The following CLDN16 variants were observed in gnomAD, a reference collection of about 807,000 sequenced individuals.
CLDN16 encodes the protein claudin 16, also known as claudin-16.
Under a neutral mutation model 24.6 loss-of-function variants are expected in CLDN16, and 13 were observed. That is an observed-to-expected ratio of 0.53 (90% confidence interval 0.34 to 0.84). The LOEUF (loss-of-function observed/expected upper bound fraction) is 0.84, where lower values mean the gene tolerates loss of function less well. CLDN16 is among the 40% of genes least tolerant of loss of function. The pLI, the probability that CLDN16 is intolerant of heterozygous loss-of-function variation, is 0.01. For synonymous variants in CLDN16, 116 were observed against 106.7 expected (o/e 1.09, Z -0.54); for missense variants, 298 against 292.7 (o/e 1.02, Z -0.13).
At chr3:190,402,188 A>G in intron 1 of CLDN16, 149 bp from the exon 2 acceptor site, 1 of 704,180 alleles carries the variant, frequency 1.4e-6, no homozygotes, top group South Asian at 1.5e-5. Flanking sequence ...ATATTCTAAT[A>G]CGCATTGTTT....
chr3:190,380,956 T>C (rs888834597), intron 3 of CLDN16, among the ~76,000 whole-genome samples: 4 of 151,866 alleles, frequency 2.6e-5, no homozygotes, highest in Admixed American at 1.3e-4. Flanking sequence ...TAGGACAGCA[T>C]GGAAGTTATT....
At chr3:190,354,572 T>C (rs112228296) in intron 1 of CLDN16, among the ~76,000 whole-genome samples, 10 of 152,156 alleles carry the variant, frequency 6.6e-5, no homozygotes, top group African/African-American at 2.4e-4. Flanking sequence ...AGATGGCACG[T>C]GATCCAGTCT....
intron 1 of CLDN16, among the ~76,000 whole-genome samples, chr3:190,399,549 A>AT (rs552242195): frequency 5.9e-5 from 9 of 152,150 alleles, no homozygotes; most frequent in Admixed American, 3.3e-4. Context: ...TGTTTAAACA[A>AT]TTTTTTAGCA....
chr3:190,290,965 A>G, the CLDN16 span, among the ~76,000 whole-genome samples: 1 of 152,196 alleles, frequency 6.6e-6, no homozygotes, highest in Admixed American at 6.5e-5. Flanking sequence ...GAAGAAAAAA[A>G]CAAGTAGGAT....
At chr3:190,290,877 A>C in the CLDN16 span, among the ~76,000 whole-genome samples, 2 of 152,206 alleles carry the variant, frequency 1.3e-5, no homozygotes, top group Non-Finnish European at 1.5e-5. Flanking sequence ...AAATGAAAAC[A>C]AAAAAATTCT....
the CLDN16 span, among the ~76,000 whole-genome samples, chr3:190,316,294 CA>C: frequency 3.9e-5 from 6 of 152,146 alleles, no homozygotes; most frequent in African/African-American, 1.4e-4. Flanking sequence ...TTGACTTATA[CA>C]ATTTATTTGT....
intron 2 of CLDN16, among the ~76,000 whole-genome samples, chr3:190,371,912 ACATCTAC>A (rs1231037474): frequency 2.0e-5 from 3 of 151,940 alleles, no homozygotes; most frequent in Non-Finnish European, 4.4e-5. Flanking sequence ...AGGTCACCGA[ACATCTAC>A]CTGGCTGGGC....
chr3:190,296,266 AAT>A, the CLDN16 span, among the ~76,000 whole-genome samples: 4 of 152,178 alleles, frequency 2.6e-5, no homozygotes, highest in Non-Finnish European at 5.9e-5. Context: ...CATGAATAAA[AAT>A]ATAATATTCT....
chr3:190,388,772 T>G (rs1017252205), intron 1 of CLDN16, among the ~76,000 whole-genome samples: 1 of 152,198 alleles, frequency 6.6e-6, no homozygotes, highest in African/African-American at 2.4e-5. Flanking sequence ...TATATCATAT[T>G]GAGTAACATT....
chr3:190,409,184 A>G (rs560289137), intron 4 of CLDN16, among the ~76,000 whole-genome samples: 2 of 151,046 alleles, frequency 1.3e-5, no homozygotes, highest in East Asian at 3.9e-4. Flanking sequence ...GCATGTATAT[A>G]TACACACACG....
intron 1 of CLDN16, among the ~76,000 whole-genome samples, chr3:190,391,255 T>G (rs1560094862): frequency 6.6e-6 from 1 of 150,696 alleles, no homozygotes; most frequent in Non-Finnish European, 1.5e-5. Context: ...GGCACGGGAT[T>G]TAGAAGAAGA....
At position 190,341,685 on chromosome 3, in the gene CLDN16, G is replaced by A. The variant is rs145644531; in HGVS notation, n.121+19024G>A. Among the ~76,000 whole-genome samples, 516 of 152,206 alleles carry A rather than the reference G, an allele frequency of 3.4e-3. 2 individuals carry two copies. The highest frequency in any genetic ancestry group is 5.0e-3 in the Non-Finnish European group (338 of 68,008). The stretch of plus-strand genomic sequence containing the variant: ...ATTAGTTATGCAAATTTCTATAGCC[G>A]GCTTGGATTTCTCCCCGCAGAATGA... On this transcript the variant is annotated intron_variant and non_coding_transcript_variant, in intron 1 of 4. Coordinates refer to the CLDN16 transcript ENST00000468220.
At chr3:190,303,555 A>C in the CLDN16 span, among the ~76,000 whole-genome samples, 1 of 152,186 alleles carries the variant, frequency 6.6e-6, no homozygotes, top group Non-Finnish European at 1.5e-5. Flanking sequence ...AATTACAAAA[A>C]TAATGAAATA....
intron 1 of CLDN16, among the ~76,000 whole-genome samples, chr3:190,361,353 A>G (rs778935475): frequency 6.6e-5 from 10 of 151,980 alleles, no homozygotes; most frequent in Non-Finnish European, 1.3e-4. Context: ...GACCTAACCG[A>G]CGCCATCTTG....
intron 1 of CLDN16, among the ~76,000 whole-genome samples, chr3:190,393,083 T>C (rs1353679343): frequency 7.2e-5 from 11 of 152,044 alleles, no homozygotes; most frequent in Admixed American, 7.2e-4. Flanking sequence ...TCTAAAAATG[T>C]CAAATTGATG....
In CLDN16 at chr3:190,411,864, A is replaced by G. The variant is rs1719294444; in HGVS notation, c.*1828A>G. ...CATTGTTCTATGCATTTTAAAATTA[A>G]TTTTGTGTTGTTCCTCTCAATATTT... On this transcript the variant is annotated 3_prime_UTR_variant, in exon 5 of 5. Coordinates refer to ENST00000264734, the MANE Select transcript of CLDN16 (RefSeq NM_006580.4). 6.6e-6 allele frequency: 1 copy of G among 152,090 alleles called. No homozygotes were observed. The highest frequency in any genetic ancestry group is 1.9e-4 in the East Asian group (1 of 5,202). The allele number at this position is 152,090 out of a possible 1,614,324, so 9.4% of individuals were successfully genotyped here.
At chr3:190,409,101 C>A (rs956505537) in intron 4 of CLDN16, among the ~76,000 whole-genome samples, 5 of 150,528 alleles carry the variant, frequency 3.3e-5, no homozygotes, top group Non-Finnish European at 5.9e-5. Flanking sequence ...ATTCAGTTGC[C>A]CTTGAACAAT....
intron 1 of CLDN16, among the ~76,000 whole-genome samples, chr3:190,340,000 T>A (rs1717392494): frequency 6.6e-6 from 1 of 152,190 alleles, no homozygotes; most frequent in East Asian, 1.9e-4. Context: ...GAATAAAAGG[T>A]TGGTTTAATA....
chr3:190,366,978 A>G (rs934697984), intron 1 of CLDN16, among the ~76,000 whole-genome samples: 1 of 151,918 alleles, frequency 6.6e-6, no homozygotes, highest in African/African-American at 2.4e-5. Flanking sequence ...AATTGCCCCA[A>G]AGCAGCATGT....
Sources: gnomAD v4.1 joint callset for allele counts (sites outside exome capture counted in the v4.1 genomes callset) on GRCh38, gnomAD v4.1.1 for gene constraint, MANE v1.5 for transcripts, NCBI Gene and HGNC (gene_info 2026-07-23, HGNC 2026-07-21) for gene names.